APC: variants seen among roughly 807,000 people sequenced by gnomAD.
APC encodes APC regulator of Wnt signaling pathway.
A neutral mutation model predicts 247.0 loss-of-function variants in APC; 72 were observed. The observed-to-expected ratio is 0.29, with a 90% CI of 0.24 to 0.35. The LOEUF is 0.35. Ranked by LOEUF, APC falls within the 10% of genes least tolerant of loss-of-function variation. The pLI, the probability that APC is intolerant of heterozygous loss-of-function variation, is 1.00. For missense variants in APC, 3,400 were observed against 3,360.7 expected (o/e 1.01, Z -0.29); for synonymous variants, 1,254 against 1,162.5 (o/e 1.08, Z -1.60).
chr5:112,809,041 T>C (rs758585225), intron 8 of APC, among the ~76,000 whole-genome samples: 1 of 152,138 alleles, frequency 6.6e-6, no homozygotes, highest in African/African-American at 2.4e-5. Flanking sequence ...TTTAAAGATG[T>C]TAGGTCTGAG....
chr5:112,707,575 A>G lies in APC; in HGVS notation c.-143A>G, dbSNP rs1750579345. The G allele has an allele frequency of 1.2e-6, 1 of 857,512 alleles. No homozygotes were observed. The highest frequency in any genetic ancestry group is 1.7e-6 in the Non-Finnish European group (1 of 599,316). 53.1% of individuals were successfully genotyped at this position (857,512 alleles called of 1,614,324 possible). ...GGCGGGGTGTGGCCGCCGGAAGCCT[A>G]GCCGCTGCTCGGGGGGGACCTGCGG... is the stretch of plus-strand genomic sequence containing the variant. On this transcript the variant is annotated 5_prime_UTR_variant, in exon 1 of 14. Coordinates refer to the APC transcript ENST00000507379.
intron 2 of APC, among the ~76,000 whole-genome samples, chr5:112,756,558 A>G (rs1755009877): frequency 6.6e-6 from 1 of 152,258 alleles, no homozygotes; most frequent in Admixed American, 6.5e-5. Flanking sequence ...TTAGTATGGT[A>G]TATTTCGCAG....
intron 2 of APC, among the ~76,000 whole-genome samples, chr5:112,761,734 T>A (rs1161085856): frequency 1.3e-5 from 2 of 152,186 alleles, no homozygotes; most frequent in Non-Finnish European, 2.9e-5. Context: ...GAAAGAAATT[T>A]GATAGACCTC....
Position 112,839,052 on chromosome 5 carries a change from A to G in APC, c.3458A>G (p.His1153Arg), listed in dbSNP as rs1554085017. The G allele has an allele frequency of 6.2e-7, 1 of 1,614,006 alleles. No individual in the cohort carries two copies. Among genetic ancestry groups the G allele is most frequent in the Non-Finnish European group, 8.5e-7 (1 of 1,180,048 alleles). The part of the protein sequence containing the change: ...YSERYSEEEQ[H>R]EEEERPTNYS... ...GAACGTTACTCTGAAGAAGAACAGC[A>G]TGAAGAAGAAGAGAGACCAACAAAT... Residue 1153 changes from histidine to arginine, a missense_variant, in exon 16 of 16, where the codon CAT (histidine) becomes CGT (arginine). His to Arg is a conservative substitution (Grantham distance 29). Transcript: ENST00000257430. The surrounding 1 kb of genome is among the most constrained non-coding windows in gnomAD (Gnocchi z 5.0).
intron 1 of APC, among the ~76,000 whole-genome samples, chr5:112,708,631 A>T (rs1456837429): frequency 2.0e-5 from 3 of 152,216 alleles, no homozygotes; most frequent in African/African-American, 7.2e-5. Flanking sequence ...TAAGTGATTT[A>T]TTCTTTTATT....
intron 6 of APC, among the ~76,000 whole-genome samples, chr5:112,786,810 G>A (rs768662773): frequency 6.6e-6 from 1 of 151,990 alleles, no homozygotes; most frequent in Non-Finnish European, 1.5e-5. Context: ...TTCTTAGAAG[G>A]CCACATAGTA....
chr5:112,729,099 A>T (rs760068330), intron 1 of APC, among the ~76,000 whole-genome samples: 3 of 152,180 alleles, frequency 2.0e-5, no homozygotes, highest in Non-Finnish European at 2.9e-5. Context: ...TCTTCTGTAA[A>T]TGTCTTAGTC....
chr5:112,819,768 G>A (rs909644453), intron 10 of APC, among the ~76,000 whole-genome samples: 1 of 152,120 alleles, frequency 6.6e-6, no homozygotes, highest in Non-Finnish European at 1.5e-5. Flanking sequence ...ACAGAGCAGC[G>A]TTACATCTGT....
chr5:112,842,180 A>G lies in APC; in HGVS notation c.6586A>G (p.Lys2196Glu), dbSNP rs864622102. ...AATCAAAGGAGGAAAAAAAGTTTAT[A>G]AAAGTTTGATTACTGGAAAAGTTCG... ...KGIKGGKKVY[K>E]SLITGKVRSN... The change falls in exon 16 of 16, where the codon AAA (lysine) becomes GAA (glutamate). Residue 2196 changes from lysine (K) to glutamate (E), a missense_variant. Transcript: ENST00000257430. The G allele has an allele frequency of 6.2e-7, 1 of 1,613,022 alleles. No homozygotes were observed. Among genetic ancestry groups the G allele is most frequent in the Non-Finnish European group, 8.5e-7 (1 of 1,179,214 alleles).
intron 14 of APC, among the ~76,000 whole-genome samples, chr5:112,834,268 G>T (rs1400995118): frequency 2.5e-4 from 28 of 113,986 alleles, no homozygotes; most frequent in African/African-American, 8.1e-4. Context: ...TTTAAAAAGA[G>T]TTTCGCTCTG....
In APC at chr5:112,842,808, ATAATGG is replaced by A. The variant is rs1766415706; in HGVS notation, c.7221_7226del (p.Asn2408_Gly2409del). On this transcript the variant is annotated inframe_deletion, in exon 16 of 16. Transcript: ENST00000257430. Reference sequence around the variant, plus strand: ...GCCTCCAAAGGACTAAATCAGATGAATAATGGTAATGGAGCCAATAAAAAGGTAGAA... The same window carrying A: ...GCCTCCAAAGGACTAAATCAGATGAATAATGGAGCCAATAAAAAGGTAGAA... 1 of 1,613,422 alleles carries A rather than the reference ATAATGG, an allele frequency of 6.2e-7. No homozygotes were observed. Among genetic ancestry groups the A allele is most frequent in the Non-Finnish European group, 8.5e-7 (1 of 1,179,490 alleles).
At position 112,754,894 on chromosome 5, in the gene APC, G is replaced by A. The variant is rs569523442; in HGVS notation, c.4G>A (p.Ala2Thr). The part of the protein sequence containing the change: M[A>T]AASYDQLLKQ... ...ATAGGTCCAAGGGTAGCCAAGGATGGCTGCAGCTTCATATGATCAGTTGTT... is the reference window on the plus strand; with the variant it reads ...ATAGGTCCAAGGGTAGCCAAGGATGACTGCAGCTTCATATGATCAGTTGTT... The change falls in exon 2 of 16, where the codon GCT becomes ACT. Residue 2 changes from alanine to threonine, a missense_variant. Around this residue, in one of 9 missense-constraint regions of APC, gnomAD observed 372 missense variants for 367.6 expected, o/e 1.01. Transcript: ENST00000257430. 6.2e-7 allele frequency: 1 copy of A among 1,613,638 alleles called. No homozygotes were observed. The highest frequency in any genetic ancestry group is 1.7e-5 in the Admixed American group (1 of 59,998).
At chr5:112,747,630 T>C (rs1015408611) in intron 1 of APC, among the ~76,000 whole-genome samples, 2 of 152,108 alleles carry the variant, frequency 1.3e-5, no homozygotes, top group African/African-American at 4.8e-5. Flanking sequence ...ATTAAAGTGA[T>C]AGTAAAAACA....
intron 4 of APC, among the ~76,000 whole-genome samples, chr5:112,775,034 A>G (rs188856208): frequency 7.8e-4 from 119 of 152,304 alleles, no homozygotes; most frequent in South Asian, 1.2e-3. Flanking sequence ...ATTTATGTTT[A>G]TAATGCTCAG....
At chr5:112,712,248 C>T in intron 1 of APC, among the ~76,000 whole-genome samples, 1 of 121,308 alleles carries the variant, frequency 8.2e-6, no homozygotes, top group East Asian at 3.5e-4. Flanking sequence ...GGGGCTGTTT[C>T]TTGGTTCTGT....
At chr5:112,709,890 A>G (rs1661036) in intron 1 of APC, among the ~76,000 whole-genome samples, 91,516 of 151,926 alleles carry the variant, frequency 0.6, 28,092 homozygotes, top group East Asian at 0.81. Flanking sequence ...GGGTGACAGT[A>G]AGACCCTGTC....
chr5:112,815,747 G>T (rs1762445985), intron 9 of APC, among the ~76,000 whole-genome samples, 154 bp downstream of exon 9: 1 of 152,084 alleles, frequency 6.6e-6, no homozygotes, highest in Non-Finnish European at 1.5e-5. Flanking sequence ...ACCAGCCTGG[G>T]CAACGTGGCA....
At chr5:112,810,367 T>C in intron 8 of APC, 1 of 228,204 alleles carries the variant, frequency 4.4e-6, no homozygotes, top group Non-Finnish European at 8.9e-6. Flanking sequence ...TGTTGGCTAT[T>C]TTTTCTATAA....
At chr5:112,716,299 G>A (rs986068239) in intron 1 of APC, among the ~76,000 whole-genome samples, 1 of 152,046 alleles carries the variant, frequency 6.6e-6, no homozygotes, top group Non-Finnish European at 1.5e-5. Context: ...ATTCACTTAA[G>A]ATGTTTTCAG....
Sources: gnomAD v4.1 joint callset for allele counts (sites outside exome capture counted in the v4.1 genomes callset) on GRCh38, gnomAD v4.1.1 for gene constraint, gnomAD v4.1.1 regional missense constraint, Gnocchi (gnomAD v3.1) non-coding constraint, MANE v1.5 for transcripts, NCBI Gene and HGNC (gene_info 2026-07-23, HGNC 2026-07-21) for gene names.